NEDD4L: variants seen among roughly 807,000 people sequenced by gnomAD.
NEDD4L encodes the protein NEDD4 like E3 ubiquitin protein ligase.
Under a neutral mutation model 148.9 loss-of-function variants are expected in NEDD4L, and 54 were observed. That is an observed-to-expected ratio of 0.36 (90% CI 0.29 to 0.45). The LOEUF (loss-of-function observed/expected upper bound fraction) is 0.45. Ranked by LOEUF, NEDD4L falls within the 20% of genes least tolerant of loss-of-function variation. NEDD4L has a pLI of 1.00. For missense variants in NEDD4L, 856 were observed against 1,233.8 expected, an observed-to-expected ratio of 0.69 and a Z score of 4.59; for synonymous variants, 433 against 440.7, an observed-to-expected ratio of 0.98 and a Z score of 0.22.
chr18:58,108,603 T>C (rs2085226163), intron 1 of NEDD4L, among the ~76,000 whole-genome samples: 1 of 152,188 alleles, frequency 6.6e-6, no homozygotes. Context: ...GTATTTTTAG[T>C]AGAGACAGGG....
Position 58,370,446 on chromosome 18 carries a change from C to G in NEDD4L, c.2235C>G (p.Thr745=). 1 of 1,610,094 alleles carries G rather than the reference C, an allele frequency of 6.2e-7. No homozygotes were observed. The highest frequency in any genetic ancestry group is 8.5e-7 in the Non-Finnish European group (1 of 1,176,348). ...FYKMMLGKQI[T]LNDMESVDSE... ...AGATGATGTTGGGAAAGCAGATAAC[C>G]CTGAATGACATGGAATCTGTGGTAA... Residue 745 remains threonine, a synonymous_variant, in exon 23 of 31, where the codon ACC becomes ACG. Coordinates refer to ENST00000400345, the MANE Select transcript of NEDD4L (RefSeq NM_001144967.3).
intron 2 of NEDD4L, among the ~76,000 whole-genome samples, chr18:58,230,783 AG>A (rs921040278): frequency 3.3e-5 from 5 of 152,224 alleles, no homozygotes; most frequent in African/African-American, 1.2e-4. Flanking sequence ...AACCCTGGGA[AG>A]AAGGTAACCT....
At chr18:58,163,819 G>C (rs1219623963) in intron 1 of NEDD4L, among the ~76,000 whole-genome samples, 1 of 152,134 alleles carries the variant, frequency 6.6e-6, no homozygotes, top group Non-Finnish European at 1.5e-5. Context: ...TTGCATGAAT[G>C]TATGTTTGAT....
chr18:58,206,624 A>G (rs1200426438), intron 2 of NEDD4L, among the ~76,000 whole-genome samples: 1 of 152,188 alleles, frequency 6.6e-6, no homozygotes, highest in Non-Finnish European at 1.5e-5. Flanking sequence ...ATGGTAACGT[A>G]TGCATAGAGA....
chr18:58,257,545 A>G (rs545556488), intron 5 of NEDD4L, among the ~76,000 whole-genome samples: 2 of 152,294 alleles, frequency 1.3e-5, no homozygotes, highest in Non-Finnish European at 2.9e-5. Context: ...TGCACACTTG[A>G]GTGTCCAAGC....
chr18:58,336,965 A>G (rs1385945410), intron 13 of NEDD4L, among the ~76,000 whole-genome samples: 1 of 152,212 alleles, frequency 6.6e-6, no homozygotes, highest in Non-Finnish European at 1.5e-5. Flanking sequence ...CATCATCTGT[A>G]TATCACCTAT....
At position 58,335,491 on chromosome 18, in the gene NEDD4L, C is replaced by G; in HGVS notation, c.1079C>G (p.Ala360Gly). ...TATCATTCACAGCCCAGTGCCCCAG[C>G]TGGGAGAGCGCGTTCATCAACTGTC... is the stretch of plus-strand genomic sequence containing the variant. The part of the protein sequence containing the change: ...QGHLPPPSAP[A>G]GRARSSTVTG... Residue 360 changes from alanine (A) to glycine (G), a missense_variant, in exon 13 of 31, where the codon GCT becomes GGT. Ala to Gly is a moderately conservative substitution (Grantham distance 60). Coordinates refer to ENST00000400345, the MANE Select transcript of NEDD4L (RefSeq NM_001144967.3). 6.2e-7 allele frequency: 1 copy of G among 1,613,740 alleles called. No individual in the cohort carries two copies. The highest frequency in any genetic ancestry group is 8.5e-7 in the Non-Finnish European group (1 of 1,179,656).
At chr18:58,296,692 C>T (rs2055636795) in intron 5 of NEDD4L, among the ~76,000 whole-genome samples, 1 of 152,164 alleles carries the variant, frequency 6.6e-6, no homozygotes, top group Non-Finnish European at 1.5e-5. Flanking sequence ...GAGGCTGAGG[C>T]AGGTGGATCA....
At chr18:58,054,920 A>G (rs975094733) in intron 1 of NEDD4L, 1 of 152,160 alleles carries the variant, frequency 6.6e-6, no homozygotes, top group African/African-American at 2.4e-5. Flanking sequence ...TTTTCAGTGA[A>G]TATTATTGGT....
chr18:58,318,389 C>T (rs1034627358), intron 6 of NEDD4L, among the ~76,000 whole-genome samples: 12 of 152,300 alleles, frequency 7.9e-5, no homozygotes, highest in East Asian at 1.9e-4. Context: ...GACCCTGTCT[C>T]TATAGAGAAA....
intron 22 of NEDD4L, among the ~76,000 whole-genome samples, chr18:58,370,165 A>G (rs1473952646): frequency 6.6e-6 from 1 of 152,100 alleles, no homozygotes; most frequent in Non-Finnish European, 1.5e-5. Flanking sequence ...GTCACCTCCC[A>G]GAGGCCTTTC....
In NEDD4L at chr18:58,327,947, C is replaced by A. The variant is rs1310696036; in HGVS notation, c.681-1048C>A. Among the ~76,000 whole-genome samples, 3 of 151,022 alleles carry A rather than the reference C, an allele frequency of 2.0e-5. No homozygotes were observed. In the South Asian group the frequency reaches 6.3e-4, roughly 32 times the overall value. On this transcript the variant is annotated intron_variant, in intron 9 of 30. Transcript: ENST00000400345. ...AATTTACTGCAAAAAAAAAAGTTTT[C>A]TTTTTTCTTTTTTTTTTTGTTTTGT... is the stretch of plus-strand genomic sequence containing the variant.
At chr18:58,196,706 CTCTCTT>C (rs2040734480) in intron 2 of NEDD4L, among the ~76,000 whole-genome samples, 1 of 134,852 alleles carries the variant, frequency 7.4e-6, no homozygotes, top group African/African-American at 2.8e-5. Context: ...TGTTCTCTCT[CTCTCTT>C]TTTTTTTTTT....
intron 1 of NEDD4L, among the ~76,000 whole-genome samples, chr18:58,095,615 T>C (rs80160431): frequency 0.096 from 14,555 of 152,232 alleles, 822 homozygotes; most frequent in Admixed American, 0.15. Context: ...CCTCGCCCAT[T>C]GGGGCCATGG....
At chr18:58,124,610 C>T (rs755564027) in intron 1 of NEDD4L, among the ~76,000 whole-genome samples, 21 of 152,286 alleles carry the variant, frequency 1.4e-4, no homozygotes, top group Middle Eastern at 3.4e-3. Context: ...ACTTGAGGAC[C>T]AAGATGATTC....
chr18:58,281,840 A>G (rs796970638), intron 5 of NEDD4L, among the ~76,000 whole-genome samples: 2 of 152,074 alleles, frequency 1.3e-5, no homozygotes, highest in African/African-American at 4.8e-5. Context: ...CCTGGCTAAC[A>G]TTGTGGAAGC....
chr18:58,063,011 G>C (rs71365364), intron 1 of NEDD4L, among the ~76,000 whole-genome samples: 1 of 115,082 alleles, frequency 8.7e-6, no homozygotes, highest in South Asian at 2.7e-4. Flanking sequence ...AAAAGAAATC[G>C]AAGGGTCGAT....
chr18:58,393,642 C>T (rs986772664), intron 30 of NEDD4L, among the ~76,000 whole-genome samples: 30 of 152,224 alleles, frequency 2.0e-4, no homozygotes, highest in African/African-American at 7.0e-4. Context: ...GCTGTTTCTT[C>T]TAAATGGCTT....
At chr18:58,250,192 C>G (rs1332143969) in intron 4 of NEDD4L, among the ~76,000 whole-genome samples, 2 of 152,048 alleles carry the variant, frequency 1.3e-5, no homozygotes, top group African/African-American at 2.4e-5. Flanking sequence ...ACTCTGTCAC[C>G]AGGCTGGAGT....
Sources: gnomAD v4.1 joint callset for allele counts (sites outside exome capture counted in the v4.1 genomes callset) on GRCh38, gnomAD v4.1.1 for gene constraint, MANE v1.5 for transcripts, NCBI Gene and HGNC (gene_info 2026-07-23, HGNC 2026-07-21) for gene names.